Variants in ITPR1 observed in about 807,000 individuals in gnomAD.
ITPR1 encodes the protein inositol 1,4,5-trisphosphate receptor type 1, also known as inositol 1,4,5-trisphosphate-gated calcium channel ITPR1.
ITPR1 carries 96 observed loss-of-function variants against 318.4 expected under a neutral mutation model. The ratio of observed to expected loss-of-function variants is 0.30; its 90% CI spans 0.26 to 0.36. The LOEUF (loss-of-function observed/expected upper bound fraction) is 0.36. Among genes scored for constraint, ITPR1 ranks in the 10% least tolerant of loss-of-function variants. The probability of loss-of-function intolerance (pLI) is 1.00; values close to 1 mark genes in which losing one functional copy is unlikely to be tolerated. For missense variants in ITPR1, 2,440 were observed against 3,460.2 expected (o/e 0.71, Z 7.40); for synonymous variants, 1,312 against 1,289.9 (o/e 1.02, Z -0.37).
At chr3:4,504,873 G>T (rs2081289167) in intron 2 of ITPR1, among the ~76,000 whole-genome samples, 1 of 152,148 alleles carries the variant, frequency 6.6e-6, no homozygotes, top group African/African-American at 2.4e-5. Context: ...ATCGCAGGGA[G>T]ACTTGTGCTC....
intron 4 of ITPR1, among the ~76,000 whole-genome samples, chr3:4,598,611 G>A (rs1246476958): frequency 6.6e-6 from 1 of 152,158 alleles, no homozygotes; most frequent in Non-Finnish European, 1.5e-5. Context: ...GATGGAGCTA[G>A]ACCCTGTCTT....
chr3:4,790,814 C>A (rs577218536), intron 52 of ITPR1, among the ~76,000 whole-genome samples: 1 of 152,208 alleles, frequency 6.6e-6, no homozygotes, highest in Non-Finnish European at 1.5e-5. Context: ...TGCAATTGCT[C>A]TGAGCTTCAT....
chr3:4,844,181 C>T (rs926604058), intron 61 of ITPR1, among the ~76,000 whole-genome samples: 2 of 145,968 alleles, frequency 1.4e-5, no homozygotes, highest in Non-Finnish European at 3.0e-5. Context: ...AGTGCAGTGG[C>T]ATCATCACTG....
intron 49 of ITPR1, among the ~76,000 whole-genome samples, chr3:4,780,879 C>T (rs536110582): frequency 6.6e-6 from 1 of 152,340 alleles, no homozygotes; most frequent in South Asian, 2.1e-4. Flanking sequence ...TGACCTATCT[C>T]AGGTGGGGAA....
intron 4 of ITPR1, among the ~76,000 whole-genome samples, chr3:4,549,868 G>A (rs1007905335): frequency 9.2e-5 from 14 of 152,102 alleles, no homozygotes; most frequent in Non-Finnish European, 1.6e-4. Context: ...CCACATAGTC[G>A]GAACCTTTCG....
At chr3:4,760,933 C>T (rs945379010) in intron 44 of ITPR1, among the ~76,000 whole-genome samples, 1 of 152,162 alleles carries the variant, frequency 6.6e-6, no homozygotes, top group African/African-American at 2.4e-5. Context: ...AATTCCCCTT[C>T]GCCACATAAG....
rs528173697 is a variant in ITPR1 at position 4,521,703 on chromosome 3, T to C, written c.163+609T>C. On this transcript the variant is annotated intron_variant, in intron 4 of 61. Transcript: ENST00000649015. ...GGGCAACATGGTGAAACACTGTCTC[T>C]ACTGAAAATACAGAAATTAGCTGGG... is the stretch of plus-strand genomic sequence containing the variant. 3.3e-5 allele frequency among the ~76,000 whole-genome samples: 5 copies of C among 152,234 alleles called. No homozygotes were observed. In the South Asian group the frequency reaches 1.0e-3, roughly 32 times the overall value.
Position 4,836,980 on chromosome 3 carries a change from C to T in ITPR1, c.8190+45C>T, listed in dbSNP as rs539509649. On this transcript the variant is annotated intron_variant, in intron 61 of 61. Transcript: ENST00000649015. ...GCGCCTACCCTCCCATCACTATCCC[C>T]ACCCACACCCACTATCACCACACCA... The T allele has an allele frequency of 2.5e-5, 36 of 1,453,522 alleles. No individual in the cohort carries two copies. The East Asian group carries it at 7.7e-4, about 31-fold the overall frequency. The allele number at this position is 1,453,522 out of a possible 1,614,324, so 90.0% of individuals were successfully genotyped here.
intron 44 of ITPR1, among the ~76,000 whole-genome samples, chr3:4,760,464 C>G (rs574383648): frequency 9.2e-5 from 14 of 152,280 alleles, no homozygotes; most frequent in African/African-American, 2.6e-4. Context: ...ATCATAGGCA[C>G]AGATTTTAAA....
At position 4,645,406 on chromosome 3, in the gene ITPR1, A is replaced by G. The variant is rs746335691; in HGVS notation, c.644A>G (p.Asn215Ser). Reference sequence around the variant, plus strand: ...TTTCAGGTCAATTCCGTCAACTGCAATACAAGCTGGAAAATAGTCCTTTTC... The same window carrying G: ...TTTCAGGTCAATTCCGTCAACTGCAGTACAAGCTGGAAAATAGTCCTTTTC... ...GCNEVNSVNC[N>S]TSWKIVLFMK... Residue 215 changes from asparagine to serine, a missense_variant, in exon 9 of 62, where the codon AAT becomes AGT. Physicochemically the swap from Asn to Ser is conservative, Grantham distance 46 (BLOSUM62 1). Transcript: ENST00000649015. The G allele has an allele frequency of 2.5e-6, 4 of 1,613,120 alleles. No individual in the cohort carries two copies. Among genetic ancestry groups the G allele is most frequent in the Non-Finnish European group, 3.4e-6 (4 of 1,179,308 alleles).
At chr3:4,552,850 A>G (rs1490601226) in intron 4 of ITPR1, among the ~76,000 whole-genome samples, 1 of 152,166 alleles carries the variant, frequency 6.6e-6, no homozygotes. Context: ...TTAGCATGCA[A>G]AAGACATCAC....
chr3:4,743,038 C>A (rs1347736736), intron 44 of ITPR1, among the ~76,000 whole-genome samples: 1 of 152,168 alleles, frequency 6.6e-6, no homozygotes, highest in East Asian at 1.9e-4. Flanking sequence ...CGGTTTTTGC[C>A]ACTAATAGTA....
chr3:4,607,549 G>A (rs985035767), intron 4 of ITPR1, among the ~76,000 whole-genome samples: 1 of 152,122 alleles, frequency 6.6e-6, no homozygotes, highest in African/African-American at 2.4e-5. Context: ...TACACATAGT[G>A]CTGACTAAAT....
At chr3:4,544,463 G>A (rs1348099585) in intron 4 of ITPR1, among the ~76,000 whole-genome samples, 1 of 152,222 alleles carries the variant, frequency 6.6e-6, no homozygotes. Context: ...AATAGTATGA[G>A]TGTTAGTGAC....
At chr3:4,568,126 A>G (rs955969451) in intron 4 of ITPR1, among the ~76,000 whole-genome samples, 4 of 152,270 alleles carry the variant, frequency 2.6e-5, no homozygotes, top group East Asian at 3.9e-4. Context: ...TGATTTTTAC[A>G]TAGTTGGGCC....
chr3:4,544,934 T>C (rs2084822398), intron 4 of ITPR1, among the ~76,000 whole-genome samples: 1 of 152,120 alleles, frequency 6.6e-6, no homozygotes, highest in African/African-American at 2.4e-5. Context: ...GCTGGGACTA[T>C]AGGTGTGTGC....
At chr3:4,531,234 G>A (rs1009614163) in intron 4 of ITPR1, among the ~76,000 whole-genome samples, 5 of 152,140 alleles carry the variant, frequency 3.3e-5, no homozygotes, top group African/African-American at 1.2e-4. Context: ...GATGTCCTAG[G>A]TTCCACATTT....
At chr3:4,640,070 A>G (rs891708899) in intron 6 of ITPR1, among the ~76,000 whole-genome samples, 1 of 152,236 alleles carries the variant, frequency 6.6e-6, no homozygotes, top group Admixed American at 6.5e-5. Flanking sequence ...CTCTGGGTCC[A>G]TGCCAGTCTT....
chr3:4,815,056 C>G lies in ITPR1; in HGVS notation c.7705C>G (p.Pro2569Ala). 2 of 1,608,904 alleles carry G rather than the reference C, an allele frequency of 1.2e-6. No homozygotes were observed. Among genetic ancestry groups the G allele is most frequent in the Non-Finnish European group, 1.7e-6 (2 of 1,176,618 alleles). Reference protein sequence around the residue: ...DVLRKPSKEEPLFAARVIYDL... With the variant: ...DVLRKPSKEEALFAARVIYDL... Reference sequence around the variant, plus strand: ...TCCAGACACCTCTCTTTTCCAGGAACCCCTGTTTGCTGCTAGAGTTATTTA... The same window carrying G: ...TCCAGACACCTCTCTTTTCCAGGAAGCCCTGTTTGCTGCTAGAGTTATTTA... Residue 2569 changes from proline to alanine, a missense_variant, in exon 59 of 62, where the codon CCC becomes GCC. Physicochemically the swap from Pro to Ala is conservative, Grantham distance 27. Transcript: ENST00000649015.
Sources: gnomAD v4.1 joint callset for allele counts (sites outside exome capture counted in the v4.1 genomes callset) on GRCh38, gnomAD v4.1.1 for gene constraint, MANE v1.5 for transcripts, NCBI Gene and HGNC (gene_info 2026-07-23, HGNC 2026-07-21) for gene names.